STK31: variants seen among roughly 807,000 people sequenced by gnomAD.
The protein encoded by STK31 is serine/threonine-protein kinase 31.
STK31 carries 89 observed loss-of-function variants against 129.7 expected under a neutral mutation model. The observed-to-expected ratio is 0.69, with a 90% CI of 0.58 to 0.82. STK31 has a LOEUF of 0.82. Among genes scored for constraint, STK31 ranks in the 40% least tolerant of loss-of-function variants. STK31 has a pLI of 0.00. For missense variants in STK31, 1,187 were observed against 1,176.4 expected, an observed-to-expected ratio of 1.01 and a Z score of -0.13; for synonymous variants, 448 against 395.3, an observed-to-expected ratio of 1.13 and a Z score of -1.58.
At chr7:23,761,609 A>G (rs1395867715) in intron 10 of STK31, among the ~76,000 whole-genome samples, 1 of 150,868 alleles carries the variant, frequency 6.6e-6, no homozygotes, top group African/African-American at 2.4e-5. Context: ...TTTAGTAGAG[A>G]TGGGGTTTCA....
rs139285045 is a variant in STK31, at chr7:23,792,660, G to C, written c.2760+1714G>C. Among the ~76,000 whole-genome samples, 322 of 152,182 alleles carry C rather than the reference G, an allele frequency of 2.1e-3. 1 individual carries two copies. Among genetic ancestry groups the C allele is most frequent in the African/African-American group, 7.4e-3 (306 of 41,548 alleles). On this transcript the variant is annotated intron_variant, in intron 22 of 23. Transcript: ENST00000355870. ...AGAGGATCTGAGATAGCCAAAACAA[G>C]TTTGAAAAAGAACAAAATTGAAGGA...
chr7:23,758,580 C>G (rs1388512745), intron 10 of STK31, among the ~76,000 whole-genome samples: 1 of 152,068 alleles, frequency 6.6e-6, no homozygotes, highest in Non-Finnish European at 1.5e-5. Context: ...GATATGAGAT[C>G]TTTCTAGCTT....
rs1793037891 is a variant in STK31 at position 23,810,663 on chromosome 7, T to A, written c.2761-4481T>A. Among the ~76,000 whole-genome samples the A allele has an allele frequency of 2.3e-5, 3 of 131,734 alleles. No homozygotes were observed. In the South Asian group the frequency reaches 6.5e-4, roughly 29 times the overall value. 86.4% of individuals were successfully genotyped at this position (131,734 alleles called of 152,430 possible). On this transcript the variant is annotated intron_variant, in intron 22 of 23. Coordinates refer to ENST00000355870, the MANE Select transcript of STK31 (RefSeq NM_031414.5). ...AATATATAAATTATATATATAAAAATATATAATATATATAAAATAGATATT... is the reference window on the plus strand; with the variant it reads ...AATATATAAATTATATATATAAAAAAATATAATATATATAAAATAGATATT...
chr7:23,743,313 ATC>A (rs1788164296), intron 8 of STK31, among the ~76,000 whole-genome samples: 1 of 152,152 alleles, frequency 6.6e-6, no homozygotes, highest in Admixed American at 6.5e-5. Flanking sequence ...TCCCTTAAGC[ATC>A]TCTTGTAGGG....
At chr7:23,825,554 T>C (rs1297800404) in intron 23 of STK31, among the ~76,000 whole-genome samples, 1 of 152,230 alleles carries the variant, frequency 6.6e-6, no homozygotes, top group Non-Finnish European at 1.5e-5. Context: ...AACCAGCTCC[T>C]GGATTCATTG....
At chr7:23,788,185 A>G in intron 21 of STK31, 56 bp downstream of exon 21, 1 of 1,466,388 alleles carries the variant, frequency 6.8e-7, no homozygotes, top group Non-Finnish European at 9.2e-7. Flanking sequence ...ATTATTAAGC[A>G]GTAGTTCAGC....
At position 23,777,858 on chromosome 7, in the gene STK31, G is replaced by C. The variant is rs1290045668; in HGVS notation, c.1966-3561G>C. On this transcript the variant is annotated intron_variant, in intron 15 of 23. Coordinates refer to ENST00000355870, the MANE Select transcript of STK31 (RefSeq NM_031414.5). ...ACATTTCAGGTCAATATTGTTATTT[G>C]TGAATTTGATCCTGTCATTATGATA... Among the ~76,000 whole-genome samples, 3 of 152,170 alleles carry C rather than the reference G, an allele frequency of 2.0e-5. No homozygotes were observed. In the East Asian group the frequency reaches 5.8e-4, roughly 29 times the overall value.
chr7:23,781,319 A>G (rs1024274718), intron 15 of STK31, 100 bp from the exon 16 acceptor site: 1 of 835,418 alleles, frequency 1.2e-6, no homozygotes, highest in East Asian at 2.7e-5. Context: ...TGAAGGATAC[A>G]TAGAAACCAC....
intron 8 of STK31, among the ~76,000 whole-genome samples, chr7:23,741,204 A>C (rs903657349): frequency 2.0e-5 from 3 of 152,112 alleles, no homozygotes; most frequent in Non-Finnish European, 4.4e-5. Flanking sequence ...AAGATGTTCC[A>C]TACTCATCTG....
At chr7:23,750,209 A>G (rs1239530336) in intron 8 of STK31, among the ~76,000 whole-genome samples, 1 of 151,964 alleles carries the variant, frequency 6.6e-6, no homozygotes, top group Non-Finnish European at 1.5e-5. Flanking sequence ...ATGCCCCTGG[A>G]GCTTTCAACT....
At chr7:23,818,211 TC>T (rs1793579309) in intron 23 of STK31, among the ~76,000 whole-genome samples, 1 of 152,176 alleles carries the variant, frequency 6.6e-6, no homozygotes, top group Non-Finnish European at 1.5e-5. Context: ...CCCCCACAAC[TC>T]TTTTTCTCCA....
intron 22 of STK31, among the ~76,000 whole-genome samples, chr7:23,807,082 G>A (rs1223403937): frequency 1.3e-5 from 2 of 151,916 alleles, no homozygotes; most frequent in Non-Finnish European, 2.9e-5. Flanking sequence ...ACTTGGAGGA[G>A]GTTCACCTTT....
chr7:23,807,729 GT>G (rs375813755), intron 22 of STK31, among the ~76,000 whole-genome samples: 53 of 149,824 alleles, frequency 3.5e-4, no homozygotes, highest in African/African-American at 1.1e-3. Flanking sequence ...TTATCAGGGT[GT>G]TTTTTTTTGT....
intron 4 of STK31, among the ~76,000 whole-genome samples, chr7:23,723,186 C>T (rs1031074446): frequency 6.6e-6 from 1 of 152,140 alleles, no homozygotes; most frequent in African/African-American, 2.4e-5. Flanking sequence ...TGTTCCTATT[C>T]GGCCATCTTG....
Position 23,737,082 on chromosome 7 carries a change from T to C in STK31, c.1017+4T>C, listed in dbSNP as rs1193530126. On this transcript the variant is annotated splice_donor_region_variant and intron_variant, in intron 8 of 23. Transcript: ENST00000355870. ...GCAGATTGCCCAGGAGCTGCAGGTA[T>C]GTTCAGTGGCTTAAGGTGAAGAGTG... 1 of 1,596,494 alleles carries C rather than the reference T, an allele frequency of 6.3e-7. No homozygotes were observed. Among genetic ancestry groups the C allele is most frequent in the Admixed American group, 1.7e-5 (1 of 58,302 alleles).
At chr7:23,798,619 T>G (rs1439588880) in intron 22 of STK31, among the ~76,000 whole-genome samples, 1 of 152,174 alleles carries the variant, frequency 6.6e-6, no homozygotes, top group African/African-American at 2.4e-5. Context: ...TAAAAGGTAT[T>G]CATGACACAC....
intron 1 of STK31, among the ~76,000 whole-genome samples, chr7:23,711,818 G>GT (rs1441395375): frequency 3.9e-5 from 6 of 152,144 alleles, no homozygotes; most frequent in Non-Finnish European, 7.4e-5. Flanking sequence ...ATTGATTTAT[G>GT]TAAGTGATCA....
chr7:23,747,602 T>C (rs533348527), intron 8 of STK31, among the ~76,000 whole-genome samples: 1 of 152,046 alleles, frequency 6.6e-6, no homozygotes, highest in Admixed American at 6.5e-5. Context: ...TCTCCTGACC[T>C]CGTGATCCAC....
At chr7:23,803,394 T>C (rs191775201) in intron 22 of STK31, among the ~76,000 whole-genome samples, 79 of 151,938 alleles carry the variant, frequency 5.2e-4, no homozygotes, top group African/African-American at 1.8e-3. Context: ...AAAAAAGTAA[T>C]AGTTTGATAG....
Sources: allele counts gnomAD v4.1 joint callset (sites outside exome capture counted in the v4.1 genomes callset), GRCh38; gene constraint gnomAD v4.1.1; transcripts MANE v1.5; gene names NCBI Gene and HGNC (gene_info 2026-07-23, HGNC 2026-07-21).